Variants in CTSS observed in about 807,000 individuals in gnomAD.
CTSS encodes cathepsin S.
In CTSS, 15 loss-of-function variants were observed where a neutral mutation model predicts 39.9. The observed-to-expected ratio is 0.38, with a 90% confidence interval of 0.25 to 0.58. The LOEUF (loss-of-function observed/expected upper bound fraction) is 0.58, where lower values mean the gene tolerates loss of function less well. Among genes scored for constraint, CTSS ranks in the 20% least tolerant of loss-of-function variants. The probability of loss-of-function intolerance (pLI) is 0.70; values close to 1 mark genes in which losing one functional copy is unlikely to be tolerated. For synonymous variants in CTSS, 126 were observed against 138.2 expected, an observed-to-expected ratio of 0.91 and a Z score of 0.62; for missense variants, 250 against 398.2, an observed-to-expected ratio of 0.63 and a Z score of 3.17.
At chr1:150,752,561 C>T (rs1653029468) in intron 4 of CTSS, among the ~76,000 whole-genome samples, 1 of 152,102 alleles carries the variant, frequency 6.6e-6, no homozygotes, top group Non-Finnish European at 1.5e-5. Flanking sequence ...GCAGAGTGTC[C>T]AGAGCCCCAT....
Position 150,732,768 on chromosome 1 carries a change from C to T in CTSS, c.*278G>A, listed in dbSNP as rs972697687. On this transcript the variant is annotated 3_prime_UTR_variant, in exon 8 of 8. Coordinates refer to ENST00000368985, the MANE Select transcript of CTSS (RefSeq NM_004079.5). ...GATTACAGGCATGCACCACCGTGCT[C>T]GGCTAATTTTTTGTATTTTTAGTAG... 5 of 249,706 alleles carry T rather than the reference C, an allele frequency of 2.0e-5. No individual in the cohort carries two copies. Among genetic ancestry groups the T allele is most frequent in the African/African-American group, 6.9e-5 (3 of 43,570 alleles). The allele number at this position is 249,706 out of a possible 1,614,324, so 15.5% of individuals were successfully genotyped here. A position where few individuals can be genotyped will look rare whatever the true frequency, so the allele number is the denominator to read the frequency against.
chr1:150,744,627 ATT>A (rs1571096710), intron 7 of CTSS, among the ~76,000 whole-genome samples: 3 of 138,370 alleles, frequency 2.2e-5, no homozygotes, highest in South Asian at 2.1e-4. Flanking sequence ...TATTATGTAT[ATT>A]ATAGATTATG....
intron 6 of CTSS, among the ~76,000 whole-genome samples, 174 bp downstream of exon 6, chr1:150,749,832 T>C (rs1161282597): frequency 6.6e-6 from 1 of 151,704 alleles, no homozygotes; most frequent in African/African-American, 2.4e-5. Flanking sequence ...ATTTTTATTT[T>C]TCGTAGAGAT....
In CTSS at chr1:150,749,987, T is replaced by G. The variant is rs756390039; in HGVS notation, c.793+19A>C. 2 of 1,573,686 alleles carry G rather than the reference T, an allele frequency of 1.3e-6. No individual in the cohort carries two copies. Among genetic ancestry groups the G allele is most frequent in the Non-Finnish European group, 8.7e-7 (1 of 1,154,350 alleles). On this transcript the variant is annotated intron_variant, in intron 6 of 7. Transcript: ENST00000368985. ...CTTTCTTTCTTTAAATTCTAATTAT[T>G]GTTTATTTTATTTTTTACCACTTCT... is the stretch of plus-strand genomic sequence containing the variant.
intron 6 of CTSS, among the ~76,000 whole-genome samples, chr1:150,749,219 G>C (rs1350042235): frequency 1.3e-5 from 2 of 152,202 alleles, no homozygotes; most frequent in Non-Finnish European, 2.9e-5. Context: ...CATGTTGAAA[G>C]CCAAGACAGG....
chr1:150,741,949 A>G (rs1652775716), intron 7 of CTSS, among the ~76,000 whole-genome samples: 1 of 152,068 alleles, frequency 6.6e-6, no homozygotes, highest in Admixed American at 6.6e-5. Flanking sequence ...CTTCCAAGAA[A>G]GAGAATAGGC....
At position 150,757,923 on chromosome 1, in the gene CTSS, G is replaced by A. The variant is rs1169843803; in HGVS notation, c.184C>T (p.His62Tyr). ...WEKNLKFVML[H>Y]NLEHSMGMHS... is the part of the protein sequence containing the mutation. ...ATTCCCATTGAATGCTCCAGGTTGT[G>A]AAGCATCACAAACTTTAGATTCTTT... Residue 62 changes from histidine (H) to tyrosine (Y), a missense_variant, in exon 3 of 8, where the codon CAC (histidine) becomes TAC (tyrosine). Transcript: ENST00000368985. 2.5e-6 allele frequency: 4 copies of A among 1,613,938 alleles called. No individual in the cohort carries two copies. Among genetic ancestry groups the A allele is most frequent in the Non-Finnish European group, 2.5e-6 (3 of 1,179,888 alleles).
intron 2 of CTSS, among the ~76,000 whole-genome samples, chr1:150,764,043 G>T (rs991221306): frequency 4.6e-5 from 7 of 151,706 alleles, no homozygotes; most frequent in Non-Finnish European, 1.0e-4. Context: ...ACCACCCAGG[G>T]CCCTTCCTAC....
At chr1:150,735,029 G>A (rs1278896816) in intron 7 of CTSS, among the ~76,000 whole-genome samples, 1 of 152,176 alleles carries the variant, frequency 6.6e-6, no homozygotes, top group Non-Finnish European at 1.5e-5. Flanking sequence ...TAGTTGAAAG[G>A]AAAACTGGAT....
chr1:150,759,062 G>T (rs1325986306), intron 2 of CTSS, among the ~76,000 whole-genome samples: 11 of 149,166 alleles, frequency 7.4e-5, no homozygotes, highest in Non-Finnish European at 1.5e-4. Context: ...TAGAGACAGG[G>T]TCTCCCTATG....
At chr1:150,748,977 A>G (rs587606092) in intron 6 of CTSS, among the ~76,000 whole-genome samples, 83 of 152,298 alleles carry the variant, frequency 5.4e-4, no homozygotes, top group African/African-American at 2.0e-3. Flanking sequence ...AACCACACCT[A>G]TATAAGATAG....
chr1:150,749,550 T>C (rs1291940728), intron 6 of CTSS, among the ~76,000 whole-genome samples: 1 of 150,450 alleles, frequency 6.6e-6, no homozygotes, highest in African/African-American at 2.4e-5. Flanking sequence ...TAAAATTGCC[T>C]CGCCTCACCC....
intron 7 of CTSS, among the ~76,000 whole-genome samples, chr1:150,741,594 C>A (rs1240942352): frequency 1.3e-5 from 2 of 152,244 alleles, no homozygotes; most frequent in Non-Finnish European, 2.9e-5. Flanking sequence ...GGGACACTGG[C>A]TGTGCGCAGT....
intron 1 of CTSS, among the ~76,000 whole-genome samples, chr1:150,765,418 T>C (rs146571591): frequency 4.2e-4 from 64 of 152,322 alleles, no homozygotes; most frequent in Admixed American, 4.1e-3. Flanking sequence ...AACTGGATTC[T>C]ACTTTCTTTT....
intron 3 of CTSS, among the ~76,000 whole-genome samples, chr1:150,756,325 CA>C (rs1395631168): frequency 1.3e-5 from 2 of 152,276 alleles, no homozygotes; most frequent in East Asian, 3.9e-4. Flanking sequence ...GGCTGTTTTA[CA>C]GTTAACTTTT....
At chr1:150,738,634 C>T (rs1217785681) in intron 7 of CTSS, among the ~76,000 whole-genome samples, 1 of 151,658 alleles carries the variant, frequency 6.6e-6, no homozygotes, top group East Asian at 1.9e-4. Context: ...CAAATATGCA[C>T]CAGCATGCCA....
rs1489131763 is a variant in CTSS at position 150,736,490 on chromosome 1, T to G, written c.897-3345A>C. Among the ~76,000 whole-genome samples the G allele has an allele frequency of 2.0e-5, 3 of 152,332 alleles. No homozygotes were observed. In the East Asian group the frequency reaches 5.8e-4, roughly 29 times the overall value. ...AGTACATCTAGGATCTCATGTAATTTATATCCTACTATGGTCACTGCATTA... is the reference window on the plus strand; with the variant it reads ...AGTACATCTAGGATCTCATGTAATTGATATCCTACTATGGTCACTGCATTA... On this transcript the variant is annotated intron_variant, in intron 7 of 7. Transcript: ENST00000368985.
At chr1:150,733,678 A>T (rs1251656649) in intron 7 of CTSS, among the ~76,000 whole-genome samples, 1 of 152,194 alleles carries the variant, frequency 6.6e-6, no homozygotes, top group Non-Finnish European at 1.5e-5. Flanking sequence ...GCTATTGAAA[A>T]ATGAGCCAGG....
rs1652808483 is a variant in CTSS at position 150,743,380 on chromosome 1, C to A, written c.896+4397G>T. On this transcript the variant is annotated intron_variant, in intron 7 of 7. Transcript: ENST00000368985. ...CATTTCCTCTTCAACAGTCCCATAGCCATTTAGACATGTATCATTATACCA... is the reference window on the plus strand; with the variant it reads ...CATTTCCTCTTCAACAGTCCCATAGACATTTAGACATGTATCATTATACCA... Among the ~76,000 whole-genome samples the A allele has an allele frequency of 2.7e-5, 4 of 150,752 alleles. No homozygotes were observed. In the South Asian group the frequency reaches 8.4e-4, roughly 32 times the overall value.
Sources: allele counts gnomAD v4.1 joint callset (sites outside exome capture counted in the v4.1 genomes callset), GRCh38; gene constraint gnomAD v4.1.1; transcripts MANE v1.5; gene names NCBI Gene and HGNC (gene_info 2026-07-23, HGNC 2026-07-21).